ZRANB3: variants seen among roughly 807,000 people sequenced by gnomAD.
The protein encoded by ZRANB3 is DNA annealing helicase and endonuclease ZRANB3.
Under a neutral mutation model 133.8 loss-of-function variants are expected in ZRANB3, and 125 were observed. The ratio of observed to expected loss-of-function variants is 0.93; its 90% CI spans 0.81 to 1.08. ZRANB3 has a LOEUF of 1.08. Ranked by LOEUF, ZRANB3 falls within the 50% of genes least tolerant of loss-of-function variation. The probability of loss-of-function intolerance (pLI) is 0.00; values close to 1 mark genes in which losing one functional copy is unlikely to be tolerated. For synonymous variants in ZRANB3, 387 were observed against 432.7 expected, an observed-to-expected ratio of 0.89 and a Z score of 1.31; for missense variants, 1,229 against 1,275.5, an observed-to-expected ratio of 0.96 and a Z score of 0.56.
At chr2:135,331,463 T>G (rs1573924465) in intron 6 of ZRANB3, among the ~76,000 whole-genome samples, 2 of 152,096 alleles carry the variant, frequency 1.3e-5, no homozygotes, top group African/African-American at 4.8e-5. Context: ...TGCTGAGGAG[T>G]GCTTTACTTC....
intron 2 of ZRANB3, among the ~76,000 whole-genome samples, chr2:135,435,015 G>A (rs1689473424): frequency 1.3e-5 from 2 of 151,488 alleles, no homozygotes; most frequent in Admixed American, 1.3e-4. Context: ...TTAGGTTTGG[G>A]GGTACATGTG....
At chr2:135,436,555 A>G (rs1689541664) in intron 2 of ZRANB3, among the ~76,000 whole-genome samples, 1 of 152,204 alleles carries the variant, frequency 6.6e-6, no homozygotes, top group African/African-American at 2.4e-5. Context: ...CTATCTAACC[A>G]GGGAGGTGAA....
Position 135,219,152 on chromosome 2 carries a change from G to T in ZRANB3, c.2277C>A (p.Phe759Leu), listed in dbSNP as rs1296869988. 1 of 1,533,198 alleles carries T rather than the reference G, an allele frequency of 6.5e-7. No homozygotes were observed. The highest frequency in any genetic ancestry group is 8.7e-7 in the Non-Finnish European group (1 of 1,145,734). 95.0% of individuals were successfully genotyped at this position (1,533,198 alleles called of 1,614,324 possible). A position where few individuals can be genotyped will look rare whatever the true frequency, so the allele number is the denominator to read the frequency against. ...TKDGKQMSCN[F>L]IPLDIKLDLW... ...GGTCTAATTTTATATCCAGAGGAATGAAATTACAGCTCATCTGTTTTCCAT... is the reference window on the plus strand; with the variant it reads ...GGTCTAATTTTATATCCAGAGGAATTAAATTACAGCTCATCTGTTTTCCAT... Residue 759 changes from phenylalanine to leucine, a missense_variant, in exon 16 of 21, where the codon TTC becomes TTA. Transcript: ENST00000264159.
At chr2:135,289,813 G>T (rs1005213433) in intron 8 of ZRANB3, among the ~76,000 whole-genome samples, 1 of 152,186 alleles carries the variant, frequency 6.6e-6, no homozygotes, top group African/African-American at 2.4e-5. Flanking sequence ...TGAGGCAGGA[G>T]AATTGCTTGA....
intron 2 of ZRANB3, among the ~76,000 whole-genome samples, chr2:135,481,354 T>C (rs1259589975): frequency 2.6e-5 from 4 of 152,148 alleles, no homozygotes; most frequent in Non-Finnish European, 5.9e-5. Flanking sequence ...TTTGCATTTC[T>C]CTGATGGCCA....
intron 2 of ZRANB3, among the ~76,000 whole-genome samples, chr2:135,479,186 T>C (rs969503401): frequency 6.6e-6 from 1 of 152,070 alleles, no homozygotes; most frequent in African/African-American, 2.4e-5. Context: ...TATGCATATC[T>C]CCAACAGAAA....
intron 3 of ZRANB3, among the ~76,000 whole-genome samples, chr2:135,384,473 A>G (rs1276294786): frequency 6.6e-6 from 1 of 152,210 alleles, no homozygotes; most frequent in Non-Finnish European, 1.5e-5. Context: ...AAAAAGAGAG[A>G]ATCCTCCCTA....
chr2:135,491,006 A>G (rs1232780278), intron 2 of ZRANB3, among the ~76,000 whole-genome samples: 1 of 152,098 alleles, frequency 6.6e-6, no homozygotes, highest in African/African-American at 2.4e-5. Flanking sequence ...GGAGGGGAGG[A>G]TGAAGAGGTT....
chr2:135,368,849 C>T (rs1223679434), intron 3 of ZRANB3, among the ~76,000 whole-genome samples: 22 of 151,782 alleles, frequency 1.4e-4, no homozygotes, highest in Admixed American at 1.2e-3. Flanking sequence ...TAACCTAAAA[C>T]GTAAATTTCA....
chr2:135,426,022 C>A (rs188845363), intron 2 of ZRANB3, among the ~76,000 whole-genome samples: 2 of 152,036 alleles, frequency 1.3e-5, no homozygotes, highest in African/African-American at 2.4e-5. Context: ...ACCATTGACC[C>A]CACACATACA....
Position 135,197,655 on chromosome 2 carries a change from G to A in ZRANB3, c.*2687C>T, listed in dbSNP as rs1693461803. On this transcript the variant is annotated 3_prime_UTR_variant, in exon 21 of 21. Transcript: ENST00000264159. ...CAATGTCACCCAGTGACGGGAACAG[G>A]AAGGCAGGCCAGCCTGATGCTGGCT... 1 of 152,272 alleles carries A rather than the reference G, an allele frequency of 6.6e-6. No individual in the cohort carries two copies. The highest frequency in any genetic ancestry group is 1.5e-5 in the Non-Finnish European group (1 of 68,066). 9.4% of individuals were successfully genotyped at this position (152,272 alleles called of 1,614,324 possible).
At chr2:135,409,027 T>C (rs1346043297) in intron 2 of ZRANB3, among the ~76,000 whole-genome samples, 3 of 151,952 alleles carry the variant, frequency 2.0e-5, no homozygotes, top group Non-Finnish European at 4.4e-5. Context: ...GAAAAGCAGT[T>C]TAGTTGGCTC....
chr2:135,369,991 C>T (rs546257389), intron 3 of ZRANB3, among the ~76,000 whole-genome samples: 3 of 151,028 alleles, frequency 2.0e-5, no homozygotes, highest in African/African-American at 2.4e-5. Context: ...CAGAGCTATA[C>T]ACCCCCACTC....
chr2:135,257,262 C>T (rs926024467), intron 12 of ZRANB3, among the ~76,000 whole-genome samples: 1 of 152,182 alleles, frequency 6.6e-6, no homozygotes, highest in African/African-American at 2.4e-5. Flanking sequence ...GCATGAGATC[C>T]AATAACCTTC....
In ZRANB3 at chr2:135,402,891, A is replaced by C. The variant is rs115017686; in HGVS notation, c.162-12071T>G. Reference sequence around the variant, plus strand: ...ATGAACCACCGCACCTGGCCAGTCCATTCTTTTTCAATGTAACCTTATTGC... The same window carrying C: ...ATGAACCACCGCACCTGGCCAGTCCCTTCTTTTTCAATGTAACCTTATTGC... On this transcript the variant is annotated intron_variant, in intron 2 of 20. Transcript: ENST00000264159. 2.2e-3 allele frequency among the ~76,000 whole-genome samples: 339 copies of C among 152,124 alleles called. 2 individuals are homozygous for C. Among genetic ancestry groups the C allele is most frequent in the African/African-American group, 7.7e-3 (320 of 41,510 alleles).
At chr2:135,521,169 C>T (rs1693923834) in intron 1 of ZRANB3, among the ~76,000 whole-genome samples, 1 of 152,168 alleles carries the variant, frequency 6.6e-6, no homozygotes, top group Non-Finnish European at 1.5e-5. Flanking sequence ...AGGCCTAGAA[C>T]TCAGGTTGGT....
intron 19 of ZRANB3, among the ~76,000 whole-genome samples, chr2:135,205,267 T>C (rs1693812118): frequency 6.6e-6 from 1 of 152,196 alleles, no homozygotes; most frequent in South Asian, 2.1e-4. Flanking sequence ...TTAAGCACAT[T>C]ACAAAATTAC....
At chr2:135,294,322 G>C (rs1255648497) in intron 8 of ZRANB3, among the ~76,000 whole-genome samples, 2 of 152,122 alleles carry the variant, frequency 1.3e-5, no homozygotes, top group Non-Finnish European at 2.9e-5. Context: ...GTTTAGTCTT[G>C]GGAGGGTGTA....
intron 2 of ZRANB3, among the ~76,000 whole-genome samples, chr2:135,414,294 G>C (rs1688450795): frequency 6.6e-6 from 1 of 152,086 alleles, no homozygotes; most frequent in Non-Finnish European, 1.5e-5. Context: ...AAAAGGCAGG[G>C]GTTGCAATCC....
Sources: gnomAD v4.1 joint callset for allele counts (sites outside exome capture counted in the v4.1 genomes callset) on GRCh38, gnomAD v4.1.1 for gene constraint, MANE v1.5 for transcripts, NCBI Gene and HGNC (gene_info 2026-07-23, HGNC 2026-07-21) for gene names.